The following TMEM259 variants were observed in gnomAD, a reference collection of about 807,000 sequenced individuals.
TMEM259 encodes the protein transmembrane protein 259, also known as membralin.
In TMEM259, 26 loss-of-function variants were observed where a neutral mutation model predicts 46.7. The observed-to-expected ratio is 0.56, with a 90% CI of 0.41 to 0.77. TMEM259 has a LOEUF of 0.77. Ranked by LOEUF, TMEM259 falls within the 30% of genes least tolerant of loss-of-function variation. The probability of loss-of-function intolerance (pLI) is 0.00; values close to 1 mark genes in which losing one functional copy is unlikely to be tolerated. For synonymous variants in TMEM259, 494 were observed against 395.1 expected (o/e 1.25, Z -2.97); for missense variants, 930 against 900.5 (o/e 1.03, Z -0.42).
Position 1,021,041 on chromosome 19 carries a change from G to A in TMEM259, c.-45C>T, listed in dbSNP as rs2039278838. 3.0e-6 allele frequency: 4 copies of A among 1,314,690 alleles called. No individual in the cohort carries two copies. The highest frequency in any genetic ancestry group is 1.8e-5 in the South Asian group (1 of 55,436). The allele number at this position is 1,314,690 out of a possible 1,614,324, so 81.4% of individuals were successfully genotyped here. A position where few individuals can be genotyped will look rare whatever the true frequency, so the allele number is the denominator to read the frequency against. ...TAACGACCCGCAAGTGTCCGAGGGCGCCTCCCGGCCGCCATCGGCCGCCCT... is the reference window on the plus strand; with the variant it reads ...TAACGACCCGCAAGTGTCCGAGGGCACCTCCCGGCCGCCATCGGCCGCCCT... On this transcript the variant is annotated 5_prime_UTR_variant, in exon 1 of 11. Coordinates refer to ENST00000356663, the MANE Select transcript of TMEM259 (RefSeq NM_001033026.2).
At chr19:1,018,394 C>T (rs2039179228) in intron 1 of TMEM259, among the ~76,000 whole-genome samples, 1 of 152,332 alleles carries the variant, frequency 6.6e-6, no homozygotes, top group African/African-American at 2.4e-5. Context: ...TTTCCTAAAG[C>T]CACCCAGGCA....
In TMEM259 at chr19:1,010,077, A is replaced by C; in HGVS notation, c.*273T>G. 2.2e-6 allele frequency: 1 copy of C among 451,450 alleles called. No individual in the cohort carries two copies. Among genetic ancestry groups the C allele is most frequent in the Non-Finnish European group, 3.9e-6 (1 of 256,532 alleles). 28.0% of individuals were successfully genotyped at this position (451,450 alleles called of 1,614,324 possible). On this transcript the variant is annotated 3_prime_UTR_variant, in exon 11 of 11. Transcript: ENST00000356663. ...CCATCCTCAGGACGGTTCACTGCAG[A>C]CCTACCAAGACCCCTCCAGAACCTT...
At chr19:1,012,634 G>A in intron 3 of TMEM259, 61 bp from the exon 4 acceptor site, 2 of 1,525,732 alleles carry the variant, frequency 1.3e-6, no homozygotes, top group South Asian at 2.5e-5. Context: ...CCCACTGCCA[G>A]CAGGCAAGGC....
At position 1,010,575 on chromosome 19, in the gene TMEM259, G is replaced by C; in HGVS notation, c.1638C>G (p.Ala546=). The stretch of plus-strand genomic sequence containing the variant: ...ACAGGAAGGAGGCGTCTGTGATGAT[G>C]GCAGCGGTCTCTGCCATCCAACCCA... ...GDLGWMAETA[A]IITDASFLSG... Residue 546 remains alanine, a synonymous_variant, in exon 11 of 11, where the codon GCC becomes GCG. Coordinates refer to ENST00000356663, the MANE Select transcript of TMEM259 (RefSeq NM_001033026.2). The C allele has an allele frequency of 6.5e-7, 1 of 1,550,062 alleles. No individual in the cohort carries two copies. The highest frequency in any genetic ancestry group is 8.7e-7 in the Non-Finnish European group (1 of 1,148,310).
chr19:1,020,746 G>C lies in TMEM259; in HGVS notation c.225+26C>G. 1 of 1,290,924 alleles carries C rather than the reference G, an allele frequency of 7.7e-7. No individual in the cohort carries two copies. The highest frequency in any genetic ancestry group is 2.6e-5 in the South Asian group (1 of 37,738). 80.0% of individuals were successfully genotyped at this position (1,290,924 alleles called of 1,614,324 possible). A position where few individuals can be genotyped will look rare whatever the true frequency, so the allele number is the denominator to read the frequency against. On this transcript the variant is annotated intron_variant, in intron 1 of 10. Coordinates refer to ENST00000356663, the MANE Select transcript of TMEM259 (RefSeq NM_001033026.2). The surrounding 1 kb of genome is among the most constrained non-coding windows in gnomAD (Gnocchi z 4.0). The stretch of plus-strand genomic sequence containing the variant: ...GGGTCGGGACAGCCGCTGGGGTCAA[G>C]GGTCGGGGGTCGGGGCCGCGGTCAC...
chr19:1,011,228 G>C (rs1212709398), intron 9 of TMEM259, 33 bp from the exon 10 acceptor site: 3 of 1,558,446 alleles, frequency 1.9e-6, no homozygotes, highest in African/African-American at 1.4e-5. Flanking sequence ...CGGGGCTGCA[G>C]GTCCCACCCT....
rs1054624626 is a variant in TMEM259 at position 1,010,509 on chromosome 19, G to C, written c.1704C>G (p.Ser568Arg). Residue 568 changes from serine to arginine, a missense_variant, in exon 11 of 11, where the codon AGC (serine) becomes AGG (arginine). By Grantham distance (110) the Ser-to-Arg change is moderately radical. Transcript: ENST00000356663. The part of the protein sequence containing the change: ...SASLLERRPA[S>R]PLGPAGGLPH... ...GGAGGCCCCCAGCAGGGCCCAGCGG[G>C]CTGGCTGGACGCCGCTCCAGGAGGG... 6.5e-7 allele frequency: 1 copy of C among 1,547,724 alleles called. No individual in the cohort carries two copies. The highest frequency in any genetic ancestry group is 8.7e-7 in the Non-Finnish European group (1 of 1,146,460).
chr19:1,019,236 T>C (rs1349552400), intron 1 of TMEM259, among the ~76,000 whole-genome samples: 1 of 152,146 alleles, frequency 6.6e-6, no homozygotes, highest in Non-Finnish European at 1.5e-5. Context: ...GCGACAGGGA[T>C]GCACCTCCCA....
intron 4 of TMEM259, 55 bp downstream of exon 4, chr19:1,012,408 G>A (rs550768513): frequency 2.0e-6 from 3 of 1,535,774 alleles, no homozygotes; most frequent in East Asian, 2.4e-5. Context: ...GGAGACCCGA[G>A]GGAGGAGGGG....
Position 1,009,848 on chromosome 19 carries a change from G to A in TMEM259, c.*502C>T, listed in dbSNP as rs1367042783. ...TGGCGCCTGCACCCCACGTCCCTAT[G>A]CCCGAGGCGCAAGCTCTGCTCTCCC... On this transcript the variant is annotated 3_prime_UTR_variant, in exon 11 of 11. Transcript: ENST00000356663. The A allele has an allele frequency of 7.2e-6, 3 of 416,622 alleles. No homozygotes were observed. The East Asian group carries it at 1.2e-4, about 16-fold the overall frequency. 25.8% of individuals were successfully genotyped at this position (416,622 alleles called of 1,614,324 possible). A position where few individuals can be genotyped will look rare whatever the true frequency, so the allele number is the denominator to read the frequency against.
intron 3 of TMEM259, 55 bp downstream of exon 3, chr19:1,013,186 C>T: frequency 6.7e-7 from 1 of 1,503,640 alleles, no homozygotes; most frequent in Non-Finnish European, 9.2e-7. Context: ...TGCACCCCAG[C>T]ACCCCATGAC....
At chr19:1,012,232 A>G (rs780569470) in intron 4 of TMEM259, 44 bp from the exon 5 acceptor site, 3 of 1,565,346 alleles carry the variant, frequency 1.9e-6, no homozygotes, top group South Asian at 2.3e-5. Context: ...CGCCCAGGCC[A>G]CCCCCTGGGC....
In TMEM259 at chr19:1,010,724, C is replaced by T. The variant is rs2038879835; in HGVS notation, c.1489G>A (p.Gly497Ser). ...ACGGGGCCCAGGGCGGGGGGCTGGC[C>T]GGCAGAGTCAGGGGCTGTAGCCGGG... ...GAPATAPDSA[G>S]QPPALGPVSP... Residue 497 changes from glycine (G) to serine (S), a missense_variant, in exon 11 of 11, where the codon GGC (glycine) becomes AGC (serine). Gly to Ser is a moderately conservative substitution (Grantham distance 56, BLOSUM62 0). Transcript: ENST00000356663. 3.3e-6 allele frequency: 5 copies of T among 1,528,962 alleles called. No homozygotes were observed. The highest frequency in any genetic ancestry group is 4.4e-6 in the Non-Finnish European group (5 of 1,144,120). 94.7% of individuals were successfully genotyped at this position (1,528,962 alleles called of 1,614,324 possible). A position where few individuals can be genotyped will look rare whatever the true frequency, so the allele number is the denominator to read the frequency against.
intron 1 of TMEM259, among the ~76,000 whole-genome samples, chr19:1,016,275 G>A (rs13346562): frequency 0.11 from 17,429 of 152,260 alleles, 1,034 homozygotes; most frequent in South Asian, 0.14. Context: ...GGAGGGCAGT[G>A]TGGAAGGGGG....
chr19:1,017,405 C>A (rs923337755), intron 1 of TMEM259: 10 of 399,888 alleles, frequency 2.5e-5, no homozygotes, highest in Non-Finnish European at 4.4e-5. Flanking sequence ...CCCCAGCAGG[C>A]ACCCACATGC....
At chr19:1,018,770 G>C (rs1162165249) in intron 1 of TMEM259, among the ~76,000 whole-genome samples, 1 of 152,162 alleles carries the variant, frequency 6.6e-6, no homozygotes, top group Admixed American at 6.5e-5. Context: ...CAGATCACCT[G>C]AAATCAGCAG....
Position 1,010,767 on chromosome 19 carries a change from C to A in TMEM259, c.1446G>T (p.Met482Ile). ...TAGCCGGGGCGCCCGAGTTGTTGTT[C>A]ATGTCATCGGGCAGCGCCGTGGGGG... The part of the protein sequence containing the change: ...PGTPTALPDD[M>I]NNNSGAPATA... The change falls in exon 11 of 11, where the codon ATG becomes ATT. Residue 482 changes from methionine (M) to isoleucine (I), a missense_variant. Met to Ile is a conservative substitution (Grantham distance 10). Coordinates refer to ENST00000356663, the MANE Select transcript of TMEM259 (RefSeq NM_001033026.2). The A allele has an allele frequency of 6.5e-7, 1 of 1,548,190 alleles. No homozygotes were observed. The highest frequency in any genetic ancestry group is 1.4e-5 in the African/African-American group (1 of 73,464).
chr19:1,010,188 G>GCTCC lies in TMEM259; in HGVS notation c.*161_*162insGGAG. ...GCCTCGGGCGCGACCTCACACCAGG[G>GCTCC]GGAGGAAAGCCGCCTTCCGGGCAAA... is the stretch of plus-strand genomic sequence containing the variant. On this transcript the variant is annotated 3_prime_UTR_variant, in exon 11 of 11. Coordinates refer to ENST00000356663, the MANE Select transcript of TMEM259 (RefSeq NM_001033026.2). 1 of 647,188 alleles carries GCTCC rather than the reference G, an allele frequency of 1.5e-6. No individual in the cohort carries two copies. Among genetic ancestry groups the GCTCC allele is most frequent in the East Asian group, 3.2e-5 (1 of 31,274 alleles). The allele number at this position is 647,188 out of a possible 1,614,324, so 40.1% of individuals were successfully genotyped here.
At position 1,020,850 on chromosome 19, in the gene TMEM259, G is replaced by T; in HGVS notation, c.147C>A (p.Phe49Leu). 1 of 1,376,466 alleles carries T rather than the reference G, an allele frequency of 7.3e-7. No individual in the cohort carries two copies. The highest frequency in any genetic ancestry group is 3.1e-5 in the Admixed American group (1 of 32,024). The allele number at this position is 1,376,466 out of a possible 1,614,324, so 85.3% of individuals were successfully genotyped here. ...NVRDRLFHAL[F>L]FKMAVTYSRL... ...GCGAATAGGTGACAGCCATCTTGAAGAACAGCGCGTGGAAGAGCCGGTCGC... is the reference window on the plus strand; with the variant it reads ...GCGAATAGGTGACAGCCATCTTGAATAACAGCGCGTGGAAGAGCCGGTCGC... Residue 49 changes from phenylalanine to leucine, a missense_variant, in exon 1 of 11, where the codon TTC (phenylalanine) becomes TTA (leucine). Phe to Leu is a conservative substitution (Grantham distance 22). Transcript: ENST00000356663. This position sits in a 1 kb window ranked among gnomAD's most constrained non-coding sequence, Gnocchi z 4.0.
Sources: allele counts gnomAD v4.1 joint callset (sites outside exome capture counted in the v4.1 genomes callset), GRCh38; gene constraint gnomAD v4.1.1; non-coding constraint Gnocchi (gnomAD v3.1); transcripts MANE v1.5; gene names NCBI Gene and HGNC (gene_info 2026-07-23, HGNC 2026-07-21).